KCND2: variants seen among roughly 807,000 people sequenced by gnomAD.
The protein encoded by KCND2 is potassium voltage-gated channel subfamily D member 2.
Under a neutral mutation model 54.4 loss-of-function variants are expected in KCND2, and 16 were observed. That is an observed-to-expected ratio of 0.29 (90% CI 0.20 to 0.45). KCND2 has a LOEUF of 0.45. Ranked by LOEUF, KCND2 falls within the 20% of genes least tolerant of loss-of-function variation. The pLI is 1.00. For synonymous variants in KCND2, 317 were observed against 310.7 expected, an observed-to-expected ratio of 1.02 and a Z score of -0.21; for missense variants, 486 against 824.2, an observed-to-expected ratio of 0.59 and a Z score of 5.02.
intron 1 of KCND2, among the ~76,000 whole-genome samples, chr7:120,598,859 A>G (rs981418748): frequency 1.3e-5 from 2 of 152,164 alleles, no homozygotes; most frequent in South Asian, 2.1e-4. Context: ...AGTTTTTATT[A>G]TGTTAATTGA....
chr7:120,717,013 A>G (rs1792611441), intron 1 of KCND2, among the ~76,000 whole-genome samples: 1 of 152,168 alleles, frequency 6.6e-6, no homozygotes, highest in Non-Finnish European at 1.5e-5. Context: ...ATAATGAAAT[A>G]GAAAAATTAT....
intron 1 of KCND2, among the ~76,000 whole-genome samples, chr7:120,642,494 G>A (rs1171634822): frequency 1.3e-5 from 2 of 151,444 alleles, no homozygotes; most frequent in Admixed American, 6.6e-5. Context: ...CCCGGGAGGT[G>A]GGGGTTGCAG....
At chr7:120,558,993 C>CTG (rs34908580) in intron 1 of KCND2, among the ~76,000 whole-genome samples, 104,350 of 148,992 alleles carry the variant, frequency 0.7, 37,725 homozygotes, top group Middle Eastern at 0.87. Context: ...TCACAAAGTA[C>CTG]TGTGTGTGTG....
chr7:120,554,978 G>A (rs1260226618), intron 1 of KCND2, among the ~76,000 whole-genome samples: 2 of 152,142 alleles, frequency 1.3e-5, no homozygotes, highest in African/African-American at 4.8e-5. Flanking sequence ...AATCTATGAA[G>A]TCCTGATTGG....
intron 1 of KCND2, among the ~76,000 whole-genome samples, chr7:120,298,335 T>C (rs1226054153): frequency 1.3e-5 from 2 of 152,200 alleles, no homozygotes; most frequent in Non-Finnish European, 2.9e-5. Flanking sequence ...TATGTTACTG[T>C]GTTATGATGG....
At chr7:120,479,796 CAAAAAAAAAAA>C (rs771337674) in intron 1 of KCND2, among the ~76,000 whole-genome samples, 8 of 75,606 alleles carry the variant, frequency 1.1e-4, no homozygotes, top group African/African-American at 3.1e-4. Flanking sequence ...TACACACACA[CAAAAAAAAAAA>C]AAAAAAAAAA....
chr7:120,616,111 A>G (rs1361874465), intron 1 of KCND2, among the ~76,000 whole-genome samples: 1 of 152,240 alleles, frequency 6.6e-6, no homozygotes, highest in African/African-American at 2.4e-5. Flanking sequence ...AAAGGAACAG[A>G]GGAAAGGAAA....
At chr7:120,633,592 C>A (rs763790614) in intron 1 of KCND2, among the ~76,000 whole-genome samples, 2 of 152,152 alleles carry the variant, frequency 1.3e-5, no homozygotes, top group Non-Finnish European at 2.9e-5. Context: ...AACTCTCCCC[C>A]CAAAACCTGT....
At chr7:120,736,164 A>G (rs1792867764) in intron 2 of KCND2, among the ~76,000 whole-genome samples, 1 of 152,086 alleles carries the variant, frequency 6.6e-6, no homozygotes, top group East Asian at 1.9e-4. Flanking sequence ...AGACCAAGCA[A>G]AAGCATGAAA....
chr7:120,359,962 G>T (rs919431542), intron 1 of KCND2, among the ~76,000 whole-genome samples: 5 of 152,178 alleles, frequency 3.3e-5, no homozygotes, highest in African/African-American at 9.6e-5. Context: ...CCTGAGGACT[G>T]CTCAGCAATA....
chr7:120,477,542 A>G (rs1417410520), intron 1 of KCND2, among the ~76,000 whole-genome samples: 1 of 152,144 alleles, frequency 6.6e-6, no homozygotes, highest in Non-Finnish European at 1.5e-5. Context: ...TACTACCTTC[A>G]TGTGGCTATA....
chr7:120,635,523 A>C (rs564775836), intron 1 of KCND2, among the ~76,000 whole-genome samples: 1 of 152,232 alleles, frequency 6.6e-6, no homozygotes, highest in Non-Finnish European at 1.5e-5. Flanking sequence ...GTTAAAATGT[A>C]AAAGATTGAA....
intron 1 of KCND2, among the ~76,000 whole-genome samples, chr7:120,424,957 T>C (rs1285968141): frequency 6.6e-6 from 1 of 152,092 alleles, no homozygotes; most frequent in Non-Finnish European, 1.5e-5. Flanking sequence ...GCCTCTACCA[T>C]AGATTTGGCC....
intron 1 of KCND2, among the ~76,000 whole-genome samples, chr7:120,680,389 A>G (rs185692125): frequency 2.3e-4 from 35 of 152,268 alleles, no homozygotes; most frequent in Non-Finnish European, 4.1e-4. Flanking sequence ...TATTCGTGAT[A>G]CCAGACTGTG....
At chr7:120,586,109 T>A (rs1356234540) in intron 1 of KCND2, among the ~76,000 whole-genome samples, 1 of 152,108 alleles carries the variant, frequency 6.6e-6, no homozygotes, top group Non-Finnish European at 1.5e-5. Flanking sequence ...GTCAGATTTT[T>A]ATAAATTTTA....
At chr7:120,747,540 G>C (rs573826942) in intron 5 of KCND2, 141 bp from the exon 6 acceptor site, 1 of 630,082 alleles carries the variant, frequency 1.6e-6, no homozygotes, top group South Asian at 1.9e-5. Flanking sequence ...ATTAAGATTT[G>C]GTGTTTCATA....
intron 1 of KCND2, among the ~76,000 whole-genome samples, chr7:120,382,617 C>CA (rs1452244224): frequency 6.6e-6 from 1 of 151,704 alleles, no homozygotes; most frequent in Non-Finnish European, 1.5e-5. Context: ...TCAACATTAA[C>CA]AAAATGTTTA....
chr7:120,711,670 C>T (rs1253438443), intron 1 of KCND2, among the ~76,000 whole-genome samples: 2 of 152,080 alleles, frequency 1.3e-5, no homozygotes, highest in East Asian at 3.9e-4. Context: ...AAGTAAAAGG[C>T]TTTAAATAGT....
chr7:120,645,179 C>T (rs1444808187), intron 1 of KCND2, among the ~76,000 whole-genome samples: 1 of 152,188 alleles, frequency 6.6e-6, no homozygotes, highest in East Asian at 1.9e-4. Flanking sequence ...AGCCCTGAGC[C>T]TCATTGCTAT....
Sources: gnomAD v4.1 joint callset for allele counts (sites outside exome capture counted in the v4.1 genomes callset) on GRCh38, gnomAD v4.1.1 for gene constraint, MANE v1.5 for transcripts, NCBI Gene and HGNC (gene_info 2026-07-23, HGNC 2026-07-21) for gene names.